Variants in CDH18 observed in about 807,000 individuals in gnomAD.
The protein encoded by CDH18 is cadherin-18.
A neutral mutation model predicts 67.9 loss-of-function variants in CDH18; 31 were observed. The ratio of observed to expected loss-of-function variants is 0.46; its 90% confidence interval spans 0.34 to 0.62. The LOEUF is 0.62. CDH18 is among the 20% of genes least tolerant of loss of function. The probability of loss-of-function intolerance (pLI) is 0.01; values close to 1 mark genes in which losing one functional copy is unlikely to be tolerated. For synonymous variants in CDH18, 362 were observed against 347.2 expected, an observed-to-expected ratio of 1.04 and a Z score of -0.48; for missense variants, 890 against 975.5, an observed-to-expected ratio of 0.91 and a Z score of 1.17.
At chr5:20,264,049 T>C (rs1051511345) in intron 1 of CDH18, among the ~76,000 whole-genome samples, 1 of 152,110 alleles carries the variant, frequency 6.6e-6, no homozygotes, top group Non-Finnish European at 1.5e-5. Context: ...TAAAAGGAAT[T>C]AATAACAATG....
intron 10 of CDH18, among the ~76,000 whole-genome samples, chr5:19,506,496 T>G (rs1331734407): frequency 6.6e-6 from 1 of 152,180 alleles, no homozygotes; most frequent in African/African-American, 2.4e-5. Flanking sequence ...TCATGCTACC[T>G]GACTTCAAAC....
chr5:20,246,834 T>A (rs1743417040), intron 2 of CDH18, among the ~76,000 whole-genome samples: 1 of 152,200 alleles, frequency 6.6e-6, no homozygotes, highest in South Asian at 2.1e-4. Flanking sequence ...CCAAATCACA[T>A]AATAAATTGG....
chr5:19,520,887 G>T, intron 9 of CDH18, 109 bp from the exon 10 acceptor site: 1 of 1,218,176 alleles, frequency 8.2e-7, no homozygotes. Context: ...ATATGCCATA[G>T]CTGGACTTTT....
chr5:20,538,909 G>GTTTTTTTTTTTTTTTT (rs35247774), intron 1 of CDH18, among the ~76,000 whole-genome samples: 5 of 118,732 alleles, frequency 4.2e-5, no homozygotes, highest in African/African-American at 1.7e-4. Flanking sequence ...TTTTTTTTTT[G>GTTTTTTTTTTTTTTTT]TTTTTTTTTT....
chr5:20,003,611 T>C (rs1181889829), intron 2 of CDH18, among the ~76,000 whole-genome samples: 4 of 152,196 alleles, frequency 2.6e-5, no homozygotes, highest in African/African-American at 7.2e-5. Context: ...ATAGACATAA[T>C]AGGCCGGTCG....
At chr5:20,477,778 C>T (rs185919847) in intron 1 of CDH18, among the ~76,000 whole-genome samples, 62 of 152,268 alleles carry the variant, frequency 4.1e-4, no homozygotes, top group Admixed American at 2.3e-3. Context: ...GGGGTGCATA[C>T]AACCCAGTGA....
At chr5:20,006,262 G>T (rs1736896827) in intron 2 of CDH18, among the ~76,000 whole-genome samples, 1 of 151,732 alleles carries the variant, frequency 6.6e-6, no homozygotes, top group Admixed American at 6.6e-5. Flanking sequence ...GGAGGAAATA[G>T]ATCATTTATG....
chr5:20,253,877 A>C (rs566102166), intron 2 of CDH18, among the ~76,000 whole-genome samples: 1 of 152,280 alleles, frequency 6.6e-6, no homozygotes, highest in Admixed American at 6.5e-5. Flanking sequence ...TTGACATGTA[A>C]ATCCAACAAA....
intron 2 of CDH18, among the ~76,000 whole-genome samples, chr5:20,050,438 G>A (rs1741317043): frequency 6.6e-6 from 1 of 151,766 alleles, no homozygotes; most frequent in Non-Finnish European, 1.5e-5. Flanking sequence ...ATCATCCTGT[G>A]TTAGGAGAGG....
intron 1 of CDH18, among the ~76,000 whole-genome samples, chr5:20,313,244 C>A (rs1166884421): frequency 3.9e-5 from 6 of 152,020 alleles, no homozygotes; most frequent in Non-Finnish European, 5.9e-5. Context: ...ATATTTGTTG[C>A]TTCACTGAAC....
chr5:20,137,874 C>T (rs1749874579), intron 2 of CDH18, among the ~76,000 whole-genome samples: 1 of 152,066 alleles, frequency 6.6e-6, no homozygotes, highest in Non-Finnish European at 1.5e-5. Flanking sequence ...CAGCCGAATT[C>T]CATCAGAGGT....
At chr5:20,032,661 G>A (rs1739505075) in intron 2 of CDH18, among the ~76,000 whole-genome samples, 1 of 152,086 alleles carries the variant, frequency 6.6e-6, no homozygotes, top group Admixed American at 6.6e-5. Flanking sequence ...TGATTTATCT[G>A]TGGTTAGAAG....
intron 1 of CDH18, among the ~76,000 whole-genome samples, chr5:20,336,984 C>T (rs140983700): frequency 1.3e-5 from 2 of 152,050 alleles, no homozygotes; most frequent in African/African-American, 4.8e-5. Context: ...GATGCAACAC[C>T]CCTAGGAGGG....
At chr5:19,758,834 A>G (rs2149696327) in intron 3 of CDH18, among the ~76,000 whole-genome samples, 1 of 152,340 alleles carries the variant, frequency 6.6e-6, no homozygotes, top group African/African-American at 2.4e-5. Flanking sequence ...ATGTCTCACC[A>G]ATAAGTCCAC....
At chr5:19,761,799 A>G (rs1467274712) in intron 3 of CDH18, among the ~76,000 whole-genome samples, 5 of 152,206 alleles carry the variant, frequency 3.3e-5, no homozygotes, top group African/African-American at 9.6e-5. Flanking sequence ...TCCTAAGCCA[A>G]AAGAACAAAG....
intron 2 of CDH18, among the ~76,000 whole-genome samples, chr5:20,102,868 G>A (rs1423009828): frequency 6.6e-6 from 1 of 151,810 alleles, no homozygotes; most frequent in Non-Finnish European, 1.5e-5. Context: ...AATAATAAGG[G>A]GCGAGACTAA....
chr5:19,502,523 C>A (rs1211776401), intron 11 of CDH18, among the ~76,000 whole-genome samples: 2 of 152,014 alleles, frequency 1.3e-5, no homozygotes, highest in Non-Finnish European at 2.9e-5. Flanking sequence ...ATCCTTCTAC[C>A]CATATTTTGG....
At chr5:19,627,872 A>C (rs10941391) in intron 5 of CDH18, among the ~76,000 whole-genome samples, 93,077 of 151,956 alleles carry the variant, frequency 0.61, 29,590 homozygotes, top group South Asian at 0.75. Flanking sequence ...TAACAGAAAG[A>C]ACCAGTGATG....
intron 2 of CDH18, among the ~76,000 whole-genome samples, chr5:20,079,865 G>C (rs1744298616): frequency 6.6e-6 from 1 of 152,004 alleles, no homozygotes; most frequent in Non-Finnish European, 1.5e-5. Context: ...CATAGTTTCT[G>C]GTTTGCAAAC....
Sources: allele counts gnomAD v4.1 joint callset (sites outside exome capture counted in the v4.1 genomes callset), GRCh38; gene constraint gnomAD v4.1.1; transcripts MANE v1.5; gene names NCBI Gene and HGNC (gene_info 2026-07-23, HGNC 2026-07-21).